SOX5: variants seen among roughly 807,000 people sequenced by gnomAD.
SOX5 encodes SRY-box transcription factor 5, also known as transcription factor SOX-5.
SOX5 carries 9 observed loss-of-function variants against 92.0 expected under a neutral mutation model. The observed-to-expected ratio is 0.10, with a 90% CI of 0.06 to 0.17. The LOEUF (loss-of-function observed/expected upper bound fraction) is 0.17, where lower values mean the gene tolerates loss of function less well. Among genes scored for constraint, SOX5 ranks in the 10% least tolerant of loss-of-function variants. The pLI is 1.00. For missense variants in SOX5, 642 were observed against 944.5 expected (o/e 0.68, Z 4.20); for synonymous variants, 344 against 336.3 (o/e 1.02, Z -0.25).
intron 4 of SOX5, among the ~76,000 whole-genome samples, chr12:24,206,952 T>C (rs12318347): frequency 1.1e-4 from 16 of 152,224 alleles, no homozygotes; most frequent in African/African-American, 3.4e-4. Context: ...AACACCTGTG[T>C]CAGCTCCTAT....
In SOX5 at chr12:23,636,558, C is replaced by A. The variant is rs117376145; in HGVS notation, c.1017+4254G>T. On this transcript the variant is annotated intron_variant, in intron 8 of 14. Coordinates refer to ENST00000451604, the MANE Select transcript of SOX5 (RefSeq NM_006940.6). ...ACATATGGTAGGTAAACAAAGTCAACCATAAGTAGGAATAGATTTATAATG... is the reference window on the plus strand; with the variant it reads ...ACATATGGTAGGTAAACAAAGTCAAACATAAGTAGGAATAGATTTATAATG... 1.2e-3 allele frequency among the ~76,000 whole-genome samples: 188 copies of A among 152,100 alleles called. 2 individuals carry two copies. The East Asian group carries it at 0.026, about 21-fold the overall frequency.
intron 6 of SOX5, among the ~76,000 whole-genome samples, chr12:23,698,219 A>T (rs946868443): frequency 6.6e-6 from 1 of 151,932 alleles, no homozygotes; most frequent in Non-Finnish European, 1.5e-5. Context: ...TTCTTTTCAC[A>T]ATCTGACCAT....
At chr12:23,611,491 T>A (rs188276973) in intron 8 of SOX5, among the ~76,000 whole-genome samples, 2 of 152,182 alleles carry the variant, frequency 1.3e-5, no homozygotes, top group East Asian at 3.9e-4. Flanking sequence ...AATGCTGCAA[T>A]CAACACTGGA....
At chr12:23,818,244 T>C (rs1364427735) in intron 3 of SOX5, among the ~76,000 whole-genome samples, 1 of 152,194 alleles carries the variant, frequency 6.6e-6, no homozygotes, top group Non-Finnish European at 1.5e-5. Context: ...AGCTGGTATG[T>C]AGCCTACTAC....
intron 1 of SOX5, among the ~76,000 whole-genome samples, chr12:24,496,306 C>T (rs1166003103): frequency 6.6e-6 from 1 of 152,182 alleles, no homozygotes; most frequent in Non-Finnish European, 1.5e-5. Flanking sequence ...TCCCTGGAGA[C>T]ATAGTTTGCC....
At chr12:23,788,077 G>T (rs2095412320) in intron 3 of SOX5, among the ~76,000 whole-genome samples, 1 of 151,492 alleles carries the variant, frequency 6.6e-6, no homozygotes, top group African/African-American at 2.4e-5. Flanking sequence ...ACACAGGTGT[G>T]AAAGTGTTAT....
chr12:23,924,693 C>A (rs149720854), intron 1 of SOX5, among the ~76,000 whole-genome samples: 1 of 152,096 alleles, frequency 6.6e-6, no homozygotes, highest in East Asian at 1.9e-4. Context: ...GAAAAAAGAT[C>A]ACAGGAATTC....
At chr12:24,283,163 A>G (rs9651820) in intron 2 of SOX5, among the ~76,000 whole-genome samples, 8,594 of 152,304 alleles carry the variant, frequency 0.056, 824 homozygotes, top group African/African-American at 0.2. Flanking sequence ...AGGTTTTACT[A>G]TTCCTCAAAG....
intron 1 of SOX5, among the ~76,000 whole-genome samples, chr12:24,535,236 T>C (rs2138708811): frequency 6.6e-6 from 1 of 152,220 alleles, no homozygotes; most frequent in East Asian, 1.9e-4. Flanking sequence ...GAAGACCCCT[T>C]CTGCAAAATA....
At chr12:24,249,278 C>A (rs1465433342) in intron 3 of SOX5, among the ~76,000 whole-genome samples, 3 of 152,208 alleles carry the variant, frequency 2.0e-5, no homozygotes, top group Non-Finnish European at 4.4e-5. Context: ...TTCCCCTGTG[C>A]AATCACTGGT....
At chr12:23,626,347 ATCATGT>A (rs2077784111) in intron 8 of SOX5, among the ~76,000 whole-genome samples, 3 of 152,036 alleles carry the variant, frequency 2.0e-5, no homozygotes, top group Admixed American at 6.6e-5. Context: ...TTCATGTGTA[ATCATGT>A]TCTTAATGTT....
At chr12:24,118,791 C>T (rs1284036781) in intron 4 of SOX5, among the ~76,000 whole-genome samples, 1 of 151,996 alleles carries the variant, frequency 6.6e-6, no homozygotes, top group Non-Finnish European at 1.5e-5. Context: ...TATACCAATA[C>T]CAAAATAAAG....
intron 4 of SOX5, among the ~76,000 whole-genome samples, chr12:24,090,608 G>A (rs1254988040): frequency 2.0e-5 from 3 of 152,080 alleles, no homozygotes; most frequent in Non-Finnish European, 2.9e-5. Context: ...CAAATACTCA[G>A]ATTACAGTAT....
intron 2 of SOX5, among the ~76,000 whole-genome samples, chr12:24,353,783 G>A (rs1382917045): frequency 6.6e-6 from 1 of 152,072 alleles, no homozygotes; most frequent in Non-Finnish European, 1.5e-5. Context: ...TGGGATTACA[G>A]GCGCCCGCCA....
At chr12:23,906,068 G>C (rs2097290603) in intron 1 of SOX5, among the ~76,000 whole-genome samples, 5 of 152,106 alleles carry the variant, frequency 3.3e-5, no homozygotes, top group Admixed American at 2.6e-4. Flanking sequence ...TTAAGTTATA[G>C]ATAAAATGAC....
intron 1 of SOX5, among the ~76,000 whole-genome samples, chr12:24,374,352 T>C (rs1418323142): frequency 6.6e-6 from 1 of 152,102 alleles, no homozygotes; most frequent in Non-Finnish European, 1.5e-5. Flanking sequence ...CCATCTAACC[T>C]GGTGAGAGAG....
intron 1 of SOX5, among the ~76,000 whole-genome samples, chr12:23,911,669 G>A (rs1312839291): frequency 6.6e-6 from 1 of 152,026 alleles, no homozygotes; most frequent in African/African-American, 2.4e-5. Flanking sequence ...CCTAAAGATA[G>A]GTTCTAGTAC....
At chr12:24,127,626 A>G (rs1182577988) in intron 4 of SOX5, among the ~76,000 whole-genome samples, 1 of 152,116 alleles carries the variant, frequency 6.6e-6, no homozygotes, top group African/African-American at 2.4e-5. Context: ...AAAGGAGACT[A>G]TATCTTTGTT....
In SOX5 at chr12:23,530,518, G is replaced by T. The variant is rs914969712; in HGVS notation, c.*3701C>A. On this transcript the variant is annotated 3_prime_UTR_variant, in exon 15 of 15. Coordinates refer to ENST00000451604, the MANE Select transcript of SOX5 (RefSeq NM_006940.6). ...AACGATGATTATGTTCTTTGGGAGG[G>T]ATTTTATACATGGTTAACTCTTAAC... 5 of 152,014 alleles carry T rather than the reference G, an allele frequency of 3.3e-5. No individual in the cohort carries two copies. The highest frequency in any genetic ancestry group is 1.2e-4 in the African/African-American group (5 of 41,390). 9.4% of individuals were successfully genotyped at this position (152,014 alleles called of 1,614,324 possible).
Sources: gnomAD v4.1 joint callset for allele counts (sites outside exome capture counted in the v4.1 genomes callset) on GRCh38, gnomAD v4.1.1 for gene constraint, MANE v1.5 for transcripts, NCBI Gene and HGNC (gene_info 2026-07-23, HGNC 2026-07-21) for gene names.